The following CCSER1 variants were observed in gnomAD, a reference collection of about 807,000 sequenced individuals.
CCSER1 encodes coiled-coil serine rich protein 1, also known as serine-rich coiled-coil domain-containing protein 1.
In CCSER1, 41 loss-of-function variants were observed where a neutral mutation model predicts 82.0. The observed-to-expected ratio is 0.50, with a 90% CI of 0.39 to 0.65. The LOEUF is 0.65. Among genes scored for constraint, CCSER1 ranks in the 30% least tolerant of loss-of-function variants. The probability of loss-of-function intolerance (pLI) is 0.00; values close to 1 mark genes in which losing one functional copy is unlikely to be tolerated. For synonymous variants in CCSER1, 414 were observed against 383.9 expected (o/e 1.08, Z -0.92); for missense variants, 1,119 against 1,064.2 (o/e 1.05, Z -0.72).
At chr4:90,425,120 G>A (rs1171121321) in intron 4 of CCSER1, among the ~76,000 whole-genome samples, 1 of 151,764 alleles carries the variant, frequency 6.6e-6, no homozygotes, top group Admixed American at 6.6e-5. Context: ...GTTTTGTTTT[G>A]TTTCTTCCTC....
intron 4 of CCSER1, among the ~76,000 whole-genome samples, chr4:90,429,249 GA>G (rs1334678767): frequency 2.6e-5 from 4 of 151,780 alleles, no homozygotes; most frequent in East Asian, 1.9e-4. Context: ...AAGTATTGAT[GA>G]AAAAAAGATG....
At chr4:90,275,162 C>T (rs548234056) in intron 1 of CCSER1, among the ~76,000 whole-genome samples, 1 of 152,090 alleles carries the variant, frequency 6.6e-6, no homozygotes, top group African/African-American at 2.4e-5. Flanking sequence ...GTAGCCAGAA[C>T]ATGGTCTCAT....
intron 10 of CCSER1, among the ~76,000 whole-genome samples, chr4:91,121,626 T>A (rs993136765): frequency 2.6e-5 from 4 of 151,724 alleles, no homozygotes; most frequent in Non-Finnish European, 4.4e-5. Context: ...CACTATTAAC[T>A]TAGTATCTAA....
At chr4:91,076,981 C>T (rs1315583177) in intron 9 of CCSER1, among the ~76,000 whole-genome samples, 3 of 152,266 alleles carry the variant, frequency 2.0e-5, no homozygotes, top group African/African-American at 4.8e-5. Context: ...TCTAGAAATC[C>T]GCATAGGGCC....
intron 10 of CCSER1, among the ~76,000 whole-genome samples, chr4:91,495,428 G>A (rs1339508224): frequency 6.6e-6 from 1 of 150,688 alleles, no homozygotes; most frequent in Non-Finnish European, 1.5e-5. Context: ...TACCTTTCTT[G>A]TCCTGCAGTT....
intron 10 of CCSER1, among the ~76,000 whole-genome samples, chr4:91,574,735 G>T (rs1026487206): frequency 6.6e-6 from 1 of 151,794 alleles, no homozygotes; most frequent in Admixed American, 6.6e-5. Context: ...GGACTACCAG[G>T]GACATTAGGG....
chr4:90,933,132 A>AGTGTGTGTGTGTGTGT (rs536402295), intron 9 of CCSER1, among the ~76,000 whole-genome samples: 46 of 70,182 alleles, frequency 6.6e-4, no homozygotes, highest in East Asian at 2.1e-3. Flanking sequence ...GTTACCTAGA[A>AGTGTGTGTGTGTGTGT]GTGTGTGTGT....
At chr4:91,243,672 G>A (rs191861808) in intron 10 of CCSER1, among the ~76,000 whole-genome samples, 1 of 152,300 alleles carries the variant, frequency 6.6e-6, no homozygotes, top group Admixed American at 6.5e-5. Context: ...TGGGTCAAAA[G>A]CAACCTCTGC....
chr4:90,423,501 G>A (rs543628309), intron 4 of CCSER1, among the ~76,000 whole-genome samples: 1 of 152,146 alleles, frequency 6.6e-6, no homozygotes, highest in Non-Finnish European at 1.5e-5. Flanking sequence ...GGGGAATACA[G>A]GTGTGAGCCA....
intron 8 of CCSER1, among the ~76,000 whole-genome samples, chr4:90,855,160 G>A (rs1390817651): frequency 6.6e-6 from 1 of 152,104 alleles, no homozygotes; most frequent in East Asian, 1.9e-4. Context: ...AATTCAACAT[G>A]AGATTTGGCT....
intron 5 of CCSER1, among the ~76,000 whole-genome samples, chr4:90,518,613 T>A (rs1017687629): frequency 3.3e-5 from 5 of 151,976 alleles, no homozygotes; most frequent in Non-Finnish European, 7.4e-5. Context: ...GTGACTATAA[T>A]AAGTTCTGAG....
intron 8 of CCSER1, among the ~76,000 whole-genome samples, chr4:90,854,482 A>G (rs1358253892): frequency 1.3e-5 from 2 of 152,072 alleles, no homozygotes; most frequent in Non-Finnish European, 1.5e-5. Context: ...TTGCTATTTT[A>G]TTTTAGGAAC....
At chr4:91,534,122 A>G (rs936597090) in intron 10 of CCSER1, among the ~76,000 whole-genome samples, 1 of 152,054 alleles carries the variant, frequency 6.6e-6, no homozygotes, top group African/African-American at 2.4e-5. Context: ...GCCACAATCT[A>G]TACTCCGTCA....
At chr4:90,640,512 T>A (rs975225849) in intron 6 of CCSER1, among the ~76,000 whole-genome samples, 4 of 152,182 alleles carry the variant, frequency 2.6e-5, no homozygotes, top group Admixed American at 2.0e-4. Flanking sequence ...TATTACTTAA[T>A]ACTGCAGAAT....
At chr4:91,129,700 A>G (rs1261438619) in intron 10 of CCSER1, 1 of 152,066 alleles carries the variant, frequency 6.6e-6, no homozygotes, top group African/African-American at 2.4e-5. Context: ...AGATAACTAC[A>G]GTGTTGGAAA....
chr4:90,946,119 A>G (rs1018001858), intron 9 of CCSER1, among the ~76,000 whole-genome samples: 1 of 152,190 alleles, frequency 6.6e-6, no homozygotes, highest in Non-Finnish European at 1.5e-5. Flanking sequence ...TATAATTACA[A>G]TTAAGAGTGA....
intron 3 of CCSER1, among the ~76,000 whole-genome samples, chr4:90,365,130 T>C (rs1746051951): frequency 2.6e-5 from 4 of 151,834 alleles, no homozygotes; most frequent in Admixed American, 2.6e-4. Context: ...AAAAGGAAAT[T>C]ATTTTTGAGT....
intron 10 of CCSER1, among the ~76,000 whole-genome samples, chr4:91,553,409 C>T (rs1762253518): frequency 6.6e-6 from 1 of 151,472 alleles, no homozygotes; most frequent in Admixed American, 6.6e-5. Flanking sequence ...ATTCTGGCCT[C>T]ATAAAATGAG....
Position 91,322,668 on chromosome 4 carries a change from C to T in CCSER1, c.2217+236674C>T, listed in dbSNP as rs1027606245. Among the ~76,000 whole-genome samples, 6 of 152,148 alleles carry T rather than the reference C, an allele frequency of 3.9e-5. No individual in the cohort carries two copies. In the South Asian group the frequency reaches 1.2e-3, roughly 32 times the overall value. On this transcript the variant is annotated intron_variant, in intron 10 of 10. Transcript: ENST00000509176. Reference sequence around the variant, plus strand: ...GGGAAACATGAACATTTAAAAGTTTCTGCTGAAAATTATGTGTCTAACCAT... The same window carrying T: ...GGGAAACATGAACATTTAAAAGTTTTTGCTGAAAATTATGTGTCTAACCAT...
Sources: allele counts gnomAD v4.1 joint callset (sites outside exome capture counted in the v4.1 genomes callset), GRCh38; gene constraint gnomAD v4.1.1; transcripts MANE v1.5; gene names NCBI Gene and HGNC (gene_info 2026-07-23, HGNC 2026-07-21).